The following GLRA2 variants were observed in gnomAD, a reference collection of about 807,000 sequenced individuals.
The protein encoded by GLRA2 is glycine receptor alpha 2.
GLRA2 carries 11 observed loss-of-function variants against 31.6 expected under a neutral mutation model. The ratio of observed to expected loss-of-function variants is 0.35; its 90% confidence interval spans 0.22 to 0.58. The LOEUF is 0.58. GLRA2 is among the 20% of genes least tolerant of loss of function. The pLI, the probability that GLRA2 is intolerant of heterozygous loss-of-function variation, is 0.84. For missense variants in GLRA2, 212 were observed against 351.8 expected (o/e 0.60, Z 3.18); for synonymous variants, 132 against 134.0 (o/e 0.99, Z 0.10).
chrX:14,453,477 A>T, the GLRA2 span, among the ~76,000 whole-genome samples: 1 of 111,724 alleles, frequency 9.0e-6, no homozygotes, highest in African/African-American at 3.3e-5. Flanking sequence ...CTGGATTAAA[A>T]GTACATTCAA....
chrX:14,670,049 T>C (rs934131371), intron 7 of GLRA2, among the ~76,000 whole-genome samples: 2 of 112,119 alleles, frequency 1.8e-5, no homozygotes, highest in African/African-American at 6.5e-5. Context: ...AGAAATTTCT[T>C]CTACAAGATA....
At chrX:14,709,455 T>A (rs1193540827) in intron 8 of GLRA2, among the ~76,000 whole-genome samples, 1 of 111,971 alleles carries the variant, frequency 8.9e-6, no homozygotes, top group Non-Finnish European at 1.9e-5. Context: ...AAATATTAAA[T>A]CTGGTAACCG....
At chrX:14,628,285 T>C (rs1310085665) in intron 7 of GLRA2, among the ~76,000 whole-genome samples, 1 of 111,591 alleles carries the variant, frequency 9.0e-6, no homozygotes, top group East Asian at 2.8e-4. Flanking sequence ...TTGGGTTGCG[T>C]CTTAAAATTG....
Position 14,590,678 on chromosome X carries a change from C to A in GLRA2, c.494+9272C>A, listed in dbSNP as rs186296305. ...AGGCAGCTATGAAAAACTATGATTT[C>A]TTTTCGCTGTGCATATTTGGACCAT... On this transcript the variant is annotated intron_variant, in intron 4 of 8. Transcript: ENST00000218075. 2.8e-3 allele frequency among the ~76,000 whole-genome samples: 315 copies of A among 112,115 alleles called. 1 individual carries two copies. Among genetic ancestry groups the A allele is most frequent in the African/African-American group, 9.9e-3 (306 of 30,853 alleles).
chrX:14,516,509 C>T, the GLRA2 span, among the ~76,000 whole-genome samples: 1 of 110,104 alleles, frequency 9.1e-6, no homozygotes, highest in Non-Finnish European at 1.9e-5. Flanking sequence ...ACTAGCCATC[C>T]CTTTACCTAA....
At chrX:14,670,844 A>T (rs1204464045) in intron 7 of GLRA2, among the ~76,000 whole-genome samples, 2 of 111,524 alleles carry the variant, frequency 1.8e-5, no homozygotes, top group Non-Finnish European at 3.8e-5. Context: ...TATAGGCTCA[A>T]AATGTAACTG....
At chrX:14,450,938 A>C in the GLRA2 span, among the ~76,000 whole-genome samples, 11 of 111,110 alleles carry the variant, frequency 9.9e-5, no homozygotes, top group African/African-American at 3.3e-4. Flanking sequence ...CTTGAACTCT[A>C]ATTCACCTGC....
At chrX:14,451,790 GA>G in the GLRA2 span, among the ~76,000 whole-genome samples, 3 of 108,517 alleles carry the variant, frequency 2.8e-5, no homozygotes, top group Admixed American at 9.9e-5. Context: ...TCATGCAAAT[GA>G]AAAAAAGGGC....
chrX:14,462,009 T>C, the GLRA2 span, among the ~76,000 whole-genome samples: 1 of 112,358 alleles, frequency 8.9e-6, no homozygotes, highest in Non-Finnish European at 1.9e-5. Context: ...CCATGTTTAG[T>C]GCTTCCTTCA....
the GLRA2 span, among the ~76,000 whole-genome samples, chrX:14,493,711 GTATACATA>G: frequency 1.2e-5 from 1 of 82,052 alleles, no homozygotes; most frequent in Non-Finnish European, 2.3e-5. Flanking sequence ...GTATACACAT[GTATACATA>G]TATACGTGTA....
In GLRA2 at chrX:14,667,007, T is replaced by C. The variant is rs146004295; in HGVS notation, c.931-23703T>C. ...AAGGGCAGGAACCAAATGTTAATCA[T>C]CTTTGTATACTTCTCAGCATTTCAC... On this transcript the variant is annotated intron_variant, in intron 7 of 8. Coordinates refer to ENST00000218075, the MANE Select transcript of GLRA2 (RefSeq NM_002063.4). 3.3e-3 allele frequency among the ~76,000 whole-genome samples: 366 copies of C among 112,451 alleles called. 1 individual carries two copies. The highest frequency in any genetic ancestry group is 0.011 in the African/African-American group (352 of 31,019).
chrX:14,614,810 C>A (rs1326727135), intron 7 of GLRA2, among the ~76,000 whole-genome samples: 2 of 111,904 alleles, frequency 1.8e-5, no homozygotes, highest in Non-Finnish European at 3.8e-5. Flanking sequence ...GAAGAGATAC[C>A]AGTCTCTTTT....
In GLRA2 at chrX:14,583,331, T is replaced by C. The variant is rs746795446; in HGVS notation, c.494+1925T>C. ...TATTGGATATATACCCAAAGGAATA[T>C]AAATCATTCTACCATAAAGACACAT... On this transcript the variant is annotated intron_variant, in intron 4 of 8. Transcript: ENST00000218075. 1.2e-4 allele frequency among the ~76,000 whole-genome samples: 13 copies of C among 112,692 alleles called. No homozygotes were observed. In the South Asian group the frequency reaches 4.3e-3, roughly 37 times the overall value.
the GLRA2 span, among the ~76,000 whole-genome samples, chrX:14,513,300 G>A: frequency 9.0e-5 from 10 of 111,419 alleles, no homozygotes; most frequent in African/African-American, 2.3e-4. Flanking sequence ...TCTAAGACCC[G>A]AAACCATAAA....
intron 7 of GLRA2, among the ~76,000 whole-genome samples, chrX:14,666,000 G>A (rs999993726): frequency 3.5e-4 from 39 of 111,747 alleles, no homozygotes; most frequent in African/African-American, 1.0e-3. Context: ...TGTATGTAGA[G>A]ATAGAATGAG....
At chrX:14,450,104 G>C in the GLRA2 span, among the ~76,000 whole-genome samples, 2 of 111,924 alleles carry the variant, frequency 1.8e-5, no homozygotes, top group African/African-American at 6.5e-5. Context: ...AGACCTAGTT[G>C]GGGGAGCGTG....
chrX:14,681,935 A>ATATATATATATATATATATATGTATG (rs2091215436), intron 7 of GLRA2, among the ~76,000 whole-genome samples: 1 of 77,428 alleles, frequency 1.3e-5, no homozygotes, highest in Non-Finnish European at 2.6e-5. Flanking sequence ...ATATATGTAT[A>ATATATATATATATATATATATGTATG]TATATGTGTG....
the GLRA2 span, among the ~76,000 whole-genome samples, chrX:14,463,858 C>A: frequency 8.9e-6 from 1 of 111,780 alleles, no homozygotes; most frequent in Non-Finnish European, 1.9e-5. Flanking sequence ...TGCTTCGGCT[C>A]ACCCTCCGTG....
intron 7 of GLRA2, among the ~76,000 whole-genome samples, chrX:14,668,410 T>C (rs2091055731): frequency 8.9e-6 from 1 of 112,083 alleles, no homozygotes; most frequent in Non-Finnish European, 1.9e-5. Flanking sequence ...ACACGAATCA[T>C]TGGGGCCCAT....
Sources: gnomAD v4.1 joint callset for allele counts (sites outside exome capture counted in the v4.1 genomes callset) on GRCh38, gnomAD v4.1.1 for gene constraint, MANE v1.5 for transcripts, NCBI Gene and HGNC (gene_info 2026-07-23, HGNC 2026-07-21) for gene names.